The following TSNARE1 variants were observed in gnomAD, a reference collection of about 807,000 sequenced individuals.
The protein encoded by TSNARE1 is t-SNARE domain-containing protein 1.
TSNARE1 carries 49 observed loss-of-function variants against 62.0 expected under a neutral mutation model. The observed-to-expected ratio is 0.79, with a 90% CI of 0.63 to 1.00. The LOEUF is 1.00. Among genes scored for constraint, TSNARE1 ranks in the 50% least tolerant of loss-of-function variants. The pLI, the probability that TSNARE1 is intolerant of heterozygous loss-of-function variation, is 0.00. For synonymous variants in TSNARE1, 328 were observed against 294.4 expected (o/e 1.11, Z -1.17); for missense variants, 755 against 700.1 (o/e 1.08, Z -0.88).
intron 1 of TSNARE1, among the ~76,000 whole-genome samples, chr8:142,398,925 C>A (rs1838095056): frequency 1.3e-5 from 2 of 152,314 alleles, no homozygotes; most frequent in African/African-American, 4.8e-5. Flanking sequence ...GAGCCACCTT[C>A]ACCCCCATCC....
At position 142,327,686 on chromosome 8, in the gene TSNARE1, A is replaced by T. The variant is rs545131271; in HGVS notation, c.893+3215T>A. Among the ~76,000 whole-genome samples, 108 of 152,318 alleles carry T rather than the reference A, an allele frequency of 7.1e-4. 1 individual carries two copies. The highest frequency in any genetic ancestry group is 2.6e-3 in the African/African-American group (106 of 41,568). On this transcript the variant is annotated intron_variant, in intron 6 of 13. Transcript: ENST00000524325. ...ATGGATCATGGTCCTGCCCTGCTTA[A>T]GCTCTCACTGCAGGAGGCGGGGCTG...
At chr8:142,251,735 CGCG>C (rs1818174284) in intron 12 of TSNARE1, among the ~76,000 whole-genome samples, 1 of 151,132 alleles carries the variant, frequency 6.6e-6, no homozygotes, top group Admixed American at 6.6e-5. Context: ...ACCCGCCACC[CGCG>C]ATCTCTGTCT....
intron 1 of TSNARE1, among the ~76,000 whole-genome samples, chr8:142,385,573 G>A (rs767907415): frequency 3.9e-5 from 6 of 152,122 alleles, no homozygotes; most frequent in Non-Finnish European, 8.8e-5. Context: ...GAGGGAGTGA[G>A]GTAGAACAAT....
rs1403071662 is a variant in TSNARE1, at chr8:142,298,943, T to C, written c.1290+1543A>G. 2.0e-5 allele frequency among the ~76,000 whole-genome samples: 3 copies of C among 152,180 alleles called. No homozygotes were observed. The East Asian group carries it at 5.8e-4, about 29-fold the overall frequency. On this transcript the variant is annotated intron_variant, in intron 10 of 13. Transcript: ENST00000524325. ...CACCAGCAGGAAGGGATGGAAACCA[T>C]CTCTGTGCTTCGGGTGGTTCTCTGG...
intron 1 of TSNARE1, among the ~76,000 whole-genome samples, chr8:142,359,977 G>C (rs1349157866): frequency 6.6e-6 from 1 of 152,212 alleles, no homozygotes; most frequent in Non-Finnish European, 1.5e-5. Flanking sequence ...CGGACACCAT[G>C]AGAGCCTCTC....
At chr8:142,216,066 G>A (rs1157419526) in intron 13 of TSNARE1, among the ~76,000 whole-genome samples, 2 of 152,160 alleles carry the variant, frequency 1.3e-5, no homozygotes, top group Non-Finnish European at 2.9e-5. Context: ...GATCTGAGGG[G>A]GAAAGGTTCC....
At chr8:142,313,563 G>A (rs1016340800) in intron 9 of TSNARE1, among the ~76,000 whole-genome samples, 5 of 152,038 alleles carry the variant, frequency 3.3e-5, no homozygotes, top group Non-Finnish European at 7.4e-5. Flanking sequence ...ACCTGCATGT[G>A]TCTGCGCATC....
At position 142,212,087 on chromosome 8, in the gene TSNARE1, G is replaced by A. The variant is rs988723018; in HGVS notation, c.*238C>T. ...TGAAGACAGGCACGTGGCTGGATAA[G>A]CCACAGCGGTTTATTCGGGTGCTCA... On this transcript the variant is annotated 3_prime_UTR_variant, in exon 14 of 14. Transcript: ENST00000524325. 1.3e-5 allele frequency: 2 copies of A among 152,412 alleles called. No homozygotes were observed. Among genetic ancestry groups the A allele is most frequent in the African/African-American group, 4.8e-5 (2 of 41,466 alleles). The allele number at this position is 152,412 out of a possible 1,614,324, so 9.4% of individuals were successfully genotyped here.
intron 9 of TSNARE1, among the ~76,000 whole-genome samples, chr8:142,302,127 C>T (rs565976592): frequency 7.2e-5 from 11 of 152,312 alleles, no homozygotes; most frequent in African/African-American, 2.6e-4. Flanking sequence ...CCAAGCCACT[C>T]TGCAGTGAAC....
At chr8:142,278,843 T>C (rs1820933919) in intron 11 of TSNARE1, 7 of 974,502 alleles carry the variant, frequency 7.2e-6, no homozygotes, top group Non-Finnish European at 8.5e-6. Context: ...GGGAGGCCAC[T>C]GCAGGCCAGA....
At chr8:142,353,515 T>C (rs889979649) in intron 2 of TSNARE1, among the ~76,000 whole-genome samples, 1 of 152,116 alleles carries the variant, frequency 6.6e-6, no homozygotes, top group Non-Finnish European at 1.5e-5. Context: ...CTTGGTGATA[T>C]CACCAATGGC....
intron 3 of TSNARE1, among the ~76,000 whole-genome samples, chr8:142,345,096 A>G (rs1213926038): frequency 6.6e-6 from 1 of 152,140 alleles, no homozygotes; most frequent in African/African-American, 2.4e-5. Flanking sequence ...ACAGCCCTCC[A>G]TCCTGCAAGG....
intron 1 of TSNARE1, among the ~76,000 whole-genome samples, chr8:142,386,511 A>C (rs1341343337): frequency 6.6e-6 from 1 of 152,216 alleles, no homozygotes; most frequent in African/African-American, 2.4e-5. Flanking sequence ...GTTACCTATC[A>C]ATAAATGTAC....
At chr8:142,243,095 A>G (rs1297202889) in intron 12 of TSNARE1, among the ~76,000 whole-genome samples, 1 of 152,192 alleles carries the variant, frequency 6.6e-6, no homozygotes, top group Non-Finnish European at 1.5e-5. Context: ...ACATATACAT[A>G]TAAGATCAAT....
chr8:142,273,629 G>A, intron 12 of TSNARE1: 1 of 985,368 alleles, frequency 1.0e-6, no homozygotes, highest in Non-Finnish European at 1.2e-6. Context: ...AACCTTCTGA[G>A]TCTCATGGCC....
At chr8:142,344,936 G>A (rs2130382962) in intron 3 of TSNARE1, among the ~76,000 whole-genome samples, 1 of 152,340 alleles carries the variant, frequency 6.6e-6, no homozygotes, top group East Asian at 1.9e-4. Flanking sequence ...AGCCCTCTGA[G>A]CACAGGCCTC....
chr8:142,250,821 G>C (rs1380245229), intron 12 of TSNARE1, among the ~76,000 whole-genome samples: 1 of 152,216 alleles, frequency 6.6e-6, no homozygotes, highest in Non-Finnish European at 1.5e-5. Context: ...GGTGATGGAC[G>C]TAGTCCACGT....
chr8:142,326,011 G>C (rs113367744), intron 6 of TSNARE1: 30,265 of 144,824 alleles, frequency 0.21, 3,566 homozygotes, highest in South Asian at 0.29. Context: ...ACCAGCACCA[G>C]CGAAGGGGAG....
At chr8:142,405,963 A>T (rs114986326), upstream of TSNARE1, 2 of 152,324 alleles carry the variant, frequency 1.3e-5, no homozygotes, top group African/African-American at 2.4e-5. Flanking sequence ...GCATCAATGT[A>T]GCCAGCCTCA....
Sources: gnomAD v4.1 joint callset for allele counts (sites outside exome capture counted in the v4.1 genomes callset) on GRCh38, gnomAD v4.1.1 for gene constraint, MANE v1.5 for transcripts, NCBI Gene and HGNC (gene_info 2026-07-23, HGNC 2026-07-21) for gene names.